The following SORCS2 variants were observed in gnomAD, a reference collection of about 807,000 sequenced individuals.
SORCS2 encodes VPS10 domain-containing receptor SorCS2.
SORCS2 carries 100 observed loss-of-function variants against 141.6 expected under a neutral mutation model. That is an observed-to-expected ratio of 0.71 (90% CI 0.60 to 0.83). The LOEUF (loss-of-function observed/expected upper bound fraction) is 0.83, where lower values mean the gene tolerates loss of function less well. Ranked by LOEUF, SORCS2 falls within the 40% of genes least tolerant of loss-of-function variation. The pLI, the probability that SORCS2 is intolerant of heterozygous loss-of-function variation, is 0.00. For synonymous variants in SORCS2, 789 were observed against 676.9 expected (o/e 1.17, Z -2.57); for missense variants, 1,646 against 1,560.2 (o/e 1.05, Z -0.93).
At chr4:7,343,368 G>C (rs1720471685) in intron 1 of SORCS2, among the ~76,000 whole-genome samples, 1 of 152,244 alleles carries the variant, frequency 6.6e-6, no homozygotes, top group Non-Finnish European at 1.5e-5. Context: ...GTGACACCGG[G>C]CAAAGCCGAT....
intron 2 of SORCS2, among the ~76,000 whole-genome samples, chr4:7,458,652 C>T (rs901219811): frequency 2.0e-4 from 31 of 152,172 alleles, no homozygotes; most frequent in African/African-American, 7.0e-4. Context: ...TCAAACTTGA[C>T]CTGAGTGTCC....
chr4:7,454,121 A>G (rs1489611583), intron 2 of SORCS2, among the ~76,000 whole-genome samples: 6 of 58,814 alleles, frequency 1.0e-4, no homozygotes, highest in African/African-American at 2.1e-4. Context: ...GGGGTCAGGC[A>G]CTGTGTTGGG....
At chr4:7,598,992 G>A (rs1393489789) in intron 3 of SORCS2, among the ~76,000 whole-genome samples, 3 of 152,224 alleles carry the variant, frequency 2.0e-5, no homozygotes, top group Non-Finnish European at 4.4e-5. Flanking sequence ...AGGCGGCAGG[G>A]TTGAAGCAAG....
At chr4:7,242,114 C>A (rs544796566) in intron 1 of SORCS2, among the ~76,000 whole-genome samples, 1 of 152,316 alleles carries the variant, frequency 6.6e-6, no homozygotes, top group African/African-American at 2.4e-5. Flanking sequence ...TTCGGTAGGG[C>A]CTTCCTCCTG....
intron 3 of SORCS2, among the ~76,000 whole-genome samples, chr4:7,605,164 A>T (rs1008699809): frequency 6.6e-6 from 1 of 152,158 alleles, no homozygotes; most frequent in Non-Finnish European, 1.5e-5. Flanking sequence ...ACTTCCAACA[A>T]GGTCCAGAGT....
At chr4:7,518,939 C>T (rs1247723983) in intron 2 of SORCS2, among the ~76,000 whole-genome samples, 2 of 152,230 alleles carry the variant, frequency 1.3e-5, no homozygotes, top group African/African-American at 4.8e-5. Context: ...CTCGCACCTG[C>T]TGCCTGTGGG....
intron 25 of SORCS2, among the ~76,000 whole-genome samples, chr4:7,734,582 C>T (rs376817066): frequency 2.0e-5 from 3 of 152,110 alleles, no homozygotes; most frequent in East Asian, 1.9e-4. Context: ...GGCCGCCACT[C>T]GCAACCCAGA....
intron 1 of SORCS2, among the ~76,000 whole-genome samples, chr4:7,388,988 A>C (rs13142618): frequency 1.3e-5 from 2 of 151,928 alleles, no homozygotes; most frequent in Non-Finnish European, 2.9e-5. Flanking sequence ...CTTCCCTGAA[A>C]TGGGATCTCC....
chr4:7,647,083 G>A (rs547355296), intron 4 of SORCS2, among the ~76,000 whole-genome samples: 77 of 152,188 alleles, frequency 5.1e-4, no homozygotes, highest in Non-Finnish European at 9.6e-4. Flanking sequence ...ACAGGAGGTA[G>A]CCAGGGGACG....
intron 1 of SORCS2, among the ~76,000 whole-genome samples, chr4:7,266,003 C>T (rs1714700160): frequency 6.6e-6 from 1 of 152,210 alleles, no homozygotes; most frequent in African/African-American, 2.4e-5. Flanking sequence ...TCCTCCGTGT[C>T]ATCCTACCTG....
chr4:7,730,578 C>A (rs775692239), intron 23 of SORCS2, among the ~76,000 whole-genome samples: 4 of 152,224 alleles, frequency 2.6e-5, no homozygotes, highest in Non-Finnish European at 4.4e-5. Context: ...GCCCTTGACA[C>A]CTCTGACAGC....
At chr4:7,624,318 C>T (rs1310043390) in intron 3 of SORCS2, among the ~76,000 whole-genome samples, 1 of 152,184 alleles carries the variant, frequency 6.6e-6, no homozygotes, top group African/African-American at 2.4e-5. Context: ...CAAATGGTCC[C>T]TAAATGGATG....
At chr4:7,387,814 A>ACACG (rs1378422689) in intron 1 of SORCS2, among the ~76,000 whole-genome samples, 12 of 151,046 alleles carry the variant, frequency 7.9e-5, no homozygotes, top group East Asian at 3.9e-4. Context: ...GCACACACAG[A>ACACG]TACAGAGATA....
intron 23 of SORCS2, among the ~76,000 whole-genome samples, chr4:7,732,088 G>C (rs946229961): frequency 6.6e-6 from 1 of 152,188 alleles, no homozygotes; most frequent in African/African-American, 2.4e-5. Context: ...AAGAAACCCA[G>C]CTCCATAGCC....
At chr4:7,596,284 C>A (rs1230203603) in intron 3 of SORCS2, among the ~76,000 whole-genome samples, 2 of 152,170 alleles carry the variant, frequency 1.3e-5, no homozygotes, top group Non-Finnish European at 2.9e-5. Flanking sequence ...GCCAGCTTGG[C>A]TGGCATGGTA....
At chr4:7,382,675 G>T (rs1388913056) in intron 1 of SORCS2, among the ~76,000 whole-genome samples, 1 of 152,168 alleles carries the variant, frequency 6.6e-6, no homozygotes, top group East Asian at 1.9e-4. Flanking sequence ...TGGGTAAGGG[G>T]AGGGGCATCA....
At chr4:7,538,284 A>G (rs1024796359) in intron 3 of SORCS2, among the ~76,000 whole-genome samples, 1 of 152,230 alleles carries the variant, frequency 6.6e-6, no homozygotes, top group African/African-American at 2.4e-5. Flanking sequence ...CAGCAGAATC[A>G]GCAGTCCCTG....
At chr4:7,250,852 G>A (rs574364538) in intron 1 of SORCS2, among the ~76,000 whole-genome samples, 7 of 152,404 alleles carry the variant, frequency 4.6e-5, no homozygotes, top group Non-Finnish European at 8.8e-5. Flanking sequence ...CGCTGAAGGC[G>A]AGAAGAACGG....
intron 1 of SORCS2, among the ~76,000 whole-genome samples, chr4:7,247,500 C>A (rs1266106616): frequency 1.3e-5 from 2 of 152,156 alleles, no homozygotes; most frequent in East Asian, 3.9e-4. Context: ...GTTTGGCCAA[C>A]CATAAACGGC....
Sources: allele counts gnomAD v4.1 joint callset (sites outside exome capture counted in the v4.1 genomes callset), GRCh38; gene constraint gnomAD v4.1.1; transcripts MANE v1.5; gene names NCBI Gene and HGNC (gene_info 2026-07-23, HGNC 2026-07-21).